The following EML4 variants were observed in gnomAD, a reference collection of about 807,000 sequenced individuals.
The protein encoded by EML4 is EMAP like 4.
A neutral mutation model predicts 129.0 loss-of-function variants in EML4; 72 were observed. The observed-to-expected ratio is 0.56, with a 90% CI of 0.46 to 0.68. The LOEUF is 0.68. EML4 is among the 30% of genes least tolerant of loss of function. EML4 has a pLI of 0.00. For synonymous variants in EML4, 532 were observed against 405.0 expected, an observed-to-expected ratio of 1.31 and a Z score of -3.77; for missense variants, 1,363 against 1,190.6, an observed-to-expected ratio of 1.14 and a Z score of -2.13.
rs374439325 is a variant in EML4 at position 42,316,013 on chromosome 2, C to T, written c.2019C>T (p.Asp673=). ...ETRDLVSIHT[D]GNEQLSVMRY... ...GAGATCTAGTTTCTATCCACACAGACGGGAATGAACAGCTCTCTGTGATGC... is the reference window on the plus strand; with the variant it reads ...GAGATCTAGTTTCTATCCACACAGATGGGAATGAACAGCTCTCTGTGATGC... Residue 673 remains aspartate, a synonymous_variant, in exon 18 of 23, where the codon GAC becomes GAT. Coordinates refer to ENST00000318522, the MANE Select transcript of EML4 (RefSeq NM_019063.5). The T allele has an allele frequency of 2.2e-5, 35 of 1,613,508 alleles. No individual in the cohort carries two copies. The highest frequency in any genetic ancestry group is 6.7e-5 in the Admixed American group (4 of 59,988).
chr2:42,232,693 C>T (rs1409624226), intron 1 of EML4, among the ~76,000 whole-genome samples: 2 of 152,124 alleles, frequency 1.3e-5, no homozygotes, highest in Non-Finnish European at 2.9e-5. Flanking sequence ...TTGATGGCTT[C>T]TACTTTTCTG....
chr2:42,262,542 T>C (rs2104387746), intron 4 of EML4, among the ~76,000 whole-genome samples: 1 of 152,308 alleles, frequency 6.6e-6, no homozygotes, highest in Admixed American at 6.5e-5. Context: ...GGATATACTG[T>C]TGCAAGAAGT....
chr2:42,304,659 A>G (rs1668491870), intron 17 of EML4, 108 bp downstream of exon 17: 6 of 838,522 alleles, frequency 7.2e-6, no homozygotes, highest in Admixed American at 3.9e-5. Flanking sequence ...GTGGCACACT[A>G]ATATGCTTGT....
chr2:42,207,525 T>G (rs189360138), intron 1 of EML4, among the ~76,000 whole-genome samples: 1 of 152,332 alleles, frequency 6.6e-6, no homozygotes, highest in Non-Finnish European at 1.5e-5. Context: ...CTGAACCACT[T>G]TTTAATTTGT....
At chr2:42,270,416 G>A (rs917165666) in intron 6 of EML4, among the ~76,000 whole-genome samples, 6 of 152,216 alleles carry the variant, frequency 3.9e-5, no homozygotes, top group Admixed American at 6.5e-5. Flanking sequence ...AAAAATTAAC[G>A]AGGCGTGGTG....
intron 1 of EML4, among the ~76,000 whole-genome samples, chr2:42,208,443 TC>T (rs1672689231): frequency 6.6e-6 from 1 of 150,770 alleles, no homozygotes; most frequent in Non-Finnish European, 1.5e-5. Context: ...TCTTTTCTTT[TC>T]TTTTTTTTTT....
At chr2:42,270,964 C>T (rs1039950332) in intron 6 of EML4, among the ~76,000 whole-genome samples, 1 of 152,108 alleles carries the variant, frequency 6.6e-6, no homozygotes, top group Admixed American at 6.5e-5. Context: ...AGAATGATCA[C>T]AGCTCACTGC....
Position 42,272,438 on chromosome 2 carries a change from G to C in EML4, c.667+7707G>C, listed in dbSNP as rs368717586. Among the ~76,000 whole-genome samples the C allele has an allele frequency of 5.7e-4, 87 of 152,194 alleles. 1 individual carries two copies. The East Asian group carries it at 0.013, about 23-fold the overall frequency. On this transcript the variant is annotated intron_variant, in intron 6 of 22. Transcript: ENST00000318522. ...TGAGCACCTGTATACTGACCACCCA[G>C]ATTTATCAGATCTTTACATTTTGCT...
rs189827913 is a variant in EML4, at chr2:42,235,013, G to A, written c.26-10492G>A. On this transcript the variant is annotated intron_variant, in intron 1 of 22. Transcript: ENST00000318522. ...CTCTACTAAAAATACAAAAATTAGCGGGTCAGGCATGGTGGCTCATGCCTG... is the reference window on the plus strand; with the variant it reads ...CTCTACTAAAAATACAAAAATTAGCAGGTCAGGCATGGTGGCTCATGCCTG... 1.2e-4 allele frequency among the ~76,000 whole-genome samples: 18 copies of A among 152,014 alleles called. No homozygotes were observed. The East Asian group carries it at 2.1e-3, about 18-fold the overall frequency.
chr2:42,330,744 A>G lies in EML4; in HGVS notation c.*537A>G, dbSNP rs550561004. On this transcript the variant is annotated 3_prime_UTR_variant, in exon 23 of 23. Transcript: ENST00000318522. Reference sequence around the variant, plus strand: ...AAAAACTTCAGTTTTGCCAAGTGCAATGGTGTTGCCTTCTTTAAAAAATGC... The same window carrying G: ...AAAAACTTCAGTTTTGCCAAGTGCAGTGGTGTTGCCTTCTTTAAAAAATGC... 29 of 229,436 alleles carry G rather than the reference A, an allele frequency of 1.3e-4. No homozygotes were observed. The highest frequency in any genetic ancestry group is 3.4e-4 in the East Asian group (5 of 14,552). The allele number at this position is 229,436 out of a possible 1,614,324, so 14.2% of individuals were successfully genotyped here.
At chr2:42,253,454 A>G (rs1675914615) in intron 2 of EML4, among the ~76,000 whole-genome samples, 1 of 152,180 alleles carries the variant, frequency 6.6e-6, no homozygotes, top group African/African-American at 2.4e-5. Context: ...ACTTAAAATA[A>G]TGGGGCATAT....
chr2:42,245,988 T>G (rs1215057528), intron 2 of EML4, among the ~76,000 whole-genome samples: 2 of 152,234 alleles, frequency 1.3e-5, no homozygotes, highest in East Asian at 1.9e-4. Context: ...ATCATCGTTT[T>G]GTGTCTCTCA....
chr2:42,182,374 C>T (rs1478436997), intron 1 of EML4, among the ~76,000 whole-genome samples: 2 of 149,434 alleles, frequency 1.3e-5, no homozygotes, highest in African/African-American at 5.0e-5. Context: ...GCTGGGCTGC[C>T]CCCTCATCTT....
intron 21 of EML4, 21 bp from the exon 22 acceptor site, chr2:42,328,865 C>T: frequency 6.4e-7 from 1 of 1,568,604 alleles, no homozygotes; most frequent in Non-Finnish European, 8.7e-7. Flanking sequence ...TTTTCTGCAT[C>T]CCTGTGTTTC....
At chr2:42,289,436 C>T (rs1269656851) in intron 11 of EML4, 1 of 151,832 alleles carries the variant, frequency 6.6e-6, no homozygotes, top group South Asian at 2.1e-4. Flanking sequence ...CTGCTGAGTC[C>T]CGTATCAGTT....
intron 1 of EML4, among the ~76,000 whole-genome samples, chr2:42,232,460 G>T (rs1674408671): frequency 6.6e-6 from 1 of 152,172 alleles, no homozygotes; most frequent in Non-Finnish European, 1.5e-5. Flanking sequence ...TTTGTCTGGT[G>T]ATTCAAGTAT....
intron 19 of EML4, among the ~76,000 whole-genome samples, chr2:42,320,558 T>C (rs1248536078): frequency 2.0e-5 from 3 of 152,174 alleles, no homozygotes; most frequent in African/African-American, 7.2e-5. Flanking sequence ...TTATTAGCAT[T>C]ATTTTCCATG....
chr2:42,273,109 G>A (rs11124871), intron 6 of EML4, among the ~76,000 whole-genome samples: 87,700 of 151,898 alleles, frequency 0.58, 25,849 homozygotes, highest in East Asian at 0.74. Flanking sequence ...TTTTTAAAAA[G>A]TTAAGTGCAA....
At chr2:42,234,826 T>G (rs72796544) in intron 1 of EML4, among the ~76,000 whole-genome samples, 1 of 152,190 alleles carries the variant, frequency 6.6e-6, no homozygotes, top group Non-Finnish European at 1.5e-5. Flanking sequence ...GCTTGACTTT[T>G]ACTTTTGTGA....
Sources: gnomAD v4.1 joint callset for allele counts (sites outside exome capture counted in the v4.1 genomes callset) on GRCh38, gnomAD v4.1.1 for gene constraint, MANE v1.5 for transcripts, NCBI Gene and HGNC (gene_info 2026-07-23, HGNC 2026-07-21) for gene names.